The following SLC9C1 variants were observed in gnomAD, a reference collection of about 807,000 sequenced individuals.
The protein encoded by SLC9C1 is solute carrier family 9 member C1.
Under a neutral mutation model 140.9 loss-of-function variants are expected in SLC9C1, and 97 were observed. That is an observed-to-expected ratio of 0.69 (90% CI 0.58 to 0.82). The LOEUF is 0.82. Ranked by LOEUF, SLC9C1 falls within the 40% of genes least tolerant of loss-of-function variation. The pLI is 0.00. For missense variants in SLC9C1, 1,340 were observed against 1,389.3 expected (o/e 0.96, Z 0.56); for synonymous variants, 440 against 442.6 (o/e 0.99, Z 0.07).
intron 20 of SLC9C1, among the ~76,000 whole-genome samples, chr3:112,186,438 A>C (rs918524238): frequency 6.6e-5 from 10 of 152,198 alleles, no homozygotes; most frequent in South Asian, 2.1e-4. Context: ...CAGAAAAAAA[A>C]CAAAAACAAT....
chr3:112,224,823 A>G (rs1047999725), intron 13 of SLC9C1, among the ~76,000 whole-genome samples: 1 of 151,874 alleles, frequency 6.6e-6, no homozygotes, highest in Non-Finnish European at 1.5e-5. Context: ...GAAAGAGAGA[A>G]AGAAAGAAAG....
At chr3:112,239,370 A>G (rs570915988) in intron 12 of SLC9C1, among the ~76,000 whole-genome samples, 1 of 152,314 alleles carries the variant, frequency 6.6e-6, no homozygotes, top group Non-Finnish European at 1.5e-5. Context: ...TTGCTTGGCT[A>G]CGAAACGGAA....
At chr3:112,191,949 C>G (rs2077669373) in intron 20 of SLC9C1, among the ~76,000 whole-genome samples, 1 of 151,904 alleles carries the variant, frequency 6.6e-6, no homozygotes, top group African/African-American at 2.4e-5. Flanking sequence ...TTGGACTCAA[C>G]TCTATTTCCT....
chr3:112,242,197 T>A (rs900901986), intron 11 of SLC9C1, among the ~76,000 whole-genome samples: 5 of 152,136 alleles, frequency 3.3e-5, no homozygotes, highest in Non-Finnish European at 7.4e-5. Flanking sequence ...AAACTATACA[T>A]CTAACAAAGG....
chr3:112,293,276 A>G (rs911728296), intron 1 of SLC9C1, among the ~76,000 whole-genome samples: 1 of 6,256 alleles, frequency 1.6e-4, no homozygotes, highest in East Asian at 0.013. Context: ...ACTCTATTTC[A>G]AATATATATA....
At chr3:112,147,514 G>A in intron 28 of SLC9C1, 1 of 421,228 alleles carries the variant, frequency 2.4e-6, no homozygotes, top group Non-Finnish European at 4.7e-6. Context: ...TTCTTGTCTG[G>A]AAAGTTAATT....
At chr3:112,263,699 G>C (rs1304436264) in intron 9 of SLC9C1, among the ~76,000 whole-genome samples, 1 of 151,728 alleles carries the variant, frequency 6.6e-6, no homozygotes, top group Non-Finnish European at 1.5e-5. Flanking sequence ...TCTAGTTATG[G>C]TGGTTTTTCT....
intron 27 of SLC9C1, among the ~76,000 whole-genome samples, 191 bp from the exon 28 acceptor site, chr3:112,152,154 A>G (rs1439005124): frequency 1.3e-5 from 2 of 152,158 alleles, no homozygotes; most frequent in African/African-American, 4.8e-5. Context: ...GAAGACCCGC[A>G]CCGGCACTGG....
chr3:112,292,145 G>C (rs1289684127), intron 1 of SLC9C1, among the ~76,000 whole-genome samples: 1 of 152,134 alleles, frequency 6.6e-6, no homozygotes, highest in African/African-American at 2.4e-5. Flanking sequence ...AGAGGATCAG[G>C]AAAAATAACT....
chr3:112,262,174 C>G (rs2108291138), intron 10 of SLC9C1, among the ~76,000 whole-genome samples: 1 of 152,120 alleles, frequency 6.6e-6, no homozygotes, highest in Non-Finnish European at 1.5e-5. Flanking sequence ...TCACACTGAT[C>G]AGGTGTATGG....
At chr3:112,209,175 C>G (rs2108067396) in intron 15 of SLC9C1, among the ~76,000 whole-genome samples, 1 of 150,806 alleles carries the variant, frequency 6.6e-6, no homozygotes, top group South Asian at 2.1e-4. Context: ...ACATCTATGC[C>G]ATAGCCCAGA....
rs1449392651 is a variant in SLC9C1, at chr3:112,141,515, G to A, written c.3525-234C>T. Reference sequence around the variant, plus strand: ...AGGAGTCAGAGTCTGAGAAGCCACTGAAGCGTGCTAAAATGAACAGGCATA... The same window carrying A: ...AGGAGTCAGAGTCTGAGAAGCCACTAAAGCGTGCTAAAATGAACAGGCATA... On this transcript the variant is annotated intron_variant, in intron 28 of 28. Transcript: ENST00000305815. Among the ~76,000 whole-genome samples, 4 of 151,432 alleles carry A rather than the reference G, an allele frequency of 2.6e-5. No individual in the cohort carries two copies. The East Asian group carries it at 5.8e-4, about 22-fold the overall frequency.
chr3:112,190,990 G>T (rs1043840194), intron 20 of SLC9C1, among the ~76,000 whole-genome samples: 5 of 148,326 alleles, frequency 3.4e-5, no homozygotes, highest in Admixed American at 1.3e-4. Flanking sequence ...TTTGTAAGTG[G>T]TTTAGAAAAG....
chr3:112,177,188 T>C lies in SLC9C1; in HGVS notation c.2919+2343A>G, dbSNP rs146113392. 4.2e-3 allele frequency among the ~76,000 whole-genome samples: 638 copies of C among 151,984 alleles called. 8 individuals are homozygous for C. The highest frequency in any genetic ancestry group is 6.8e-3 in the Non-Finnish European group (459 of 67,900). On this transcript the variant is annotated intron_variant, in intron 23 of 28. Coordinates refer to ENST00000305815, the MANE Select transcript of SLC9C1 (RefSeq NM_183061.3). ...TGCCCAGCTAATTTTTGTATTTTTA[T>C]TGGAGCCAGGGTTTCACCATGTTGG...
intron 14 of SLC9C1, among the ~76,000 whole-genome samples, chr3:112,219,225 T>G (rs2078473382): frequency 6.6e-6 from 1 of 152,174 alleles, no homozygotes; most frequent in Non-Finnish European, 1.5e-5. Context: ...TTCTTAGACT[T>G]GTTTTTCTTG....
At chr3:112,169,774 G>A (rs560802244) in intron 23 of SLC9C1, among the ~76,000 whole-genome samples, 15 of 152,092 alleles carry the variant, frequency 9.9e-5, no homozygotes, top group Middle Eastern at 3.4e-3. Flanking sequence ...GAAAATCAGG[G>A]CATTTTGATA....
chr3:112,283,408 G>A (rs1018628528), intron 2 of SLC9C1, among the ~76,000 whole-genome samples: 5 of 150,896 alleles, frequency 3.3e-5, no homozygotes, highest in Non-Finnish European at 4.4e-5. Context: ...ACTTGCACCC[G>A]AGGTTTTGAA....
At chr3:112,166,086 C>T (rs1309128865) in intron 26 of SLC9C1, among the ~76,000 whole-genome samples, 1 of 152,226 alleles carries the variant, frequency 6.6e-6, no homozygotes, top group African/African-American at 2.4e-5. Context: ...TGGATATAAT[C>T]TCCTGGTGTG....
At chr3:112,235,806 C>G (rs1193021656) in intron 12 of SLC9C1, among the ~76,000 whole-genome samples, 1 of 152,020 alleles carries the variant, frequency 6.6e-6, no homozygotes, top group Admixed American at 6.6e-5. Flanking sequence ...GACTTGCATC[C>G]CAGGGATGAA....
Sources: gnomAD v4.1 joint callset for allele counts (sites outside exome capture counted in the v4.1 genomes callset) on GRCh38, gnomAD v4.1.1 for gene constraint, MANE v1.5 for transcripts, NCBI Gene and HGNC (gene_info 2026-07-23, HGNC 2026-07-21) for gene names.